NCOR2: variants seen among roughly 807,000 people sequenced by gnomAD.
The protein encoded by NCOR2 is CTG repeat protein 26.
Under a neutral mutation model 262.9 loss-of-function variants are expected in NCOR2, and 81 were observed. The ratio of observed to expected loss-of-function variants is 0.31; its 90% CI spans 0.26 to 0.37. NCOR2 has a LOEUF of 0.37. NCOR2 is among the 10% of genes least tolerant of loss of function. NCOR2 has a pLI of 1.00. For synonymous variants in NCOR2, 1,659 were observed against 1,559.3 expected (o/e 1.06, Z -1.51); for missense variants, 3,385 against 3,621.4 (o/e 0.93, Z 1.68).
At chr12:124,497,881 C>T (rs941053955), upstream of NCOR2, among the ~76,000 whole-genome samples, 10 of 152,220 alleles carry the variant, frequency 6.6e-5, no homozygotes, top group Admixed American at 3.9e-4. The surrounding 1 kb of genome is among the most constrained non-coding windows in gnomAD (Gnocchi z 4.2). Context: ...AGCAATGAGA[C>T]ATCCGTTCTG....
intron 3 of NCOR2, among the ~76,000 whole-genome samples, chr12:124,475,555 T>C (rs1390315720): frequency 2.6e-5 from 4 of 152,254 alleles, no homozygotes; most frequent in African/African-American, 9.6e-5. Flanking sequence ...CCTGCCATTG[T>C]ATTGCAAAAG....
intron 13 of NCOR2, among the ~76,000 whole-genome samples, chr12:124,417,012 TCCGCCC>T (rs2042913039): frequency 6.6e-6 from 1 of 151,472 alleles, no homozygotes; most frequent in South Asian, 2.1e-4. Flanking sequence ...GGACATTCGC[TCCGCCC>T]AGAGCAAGCC....
chr12:124,561,884 T>C (rs2052084897), intron 1 of NCOR2: 1 of 151,864 alleles, frequency 6.6e-6, no homozygotes, highest in Non-Finnish European at 1.5e-5. Flanking sequence ...GTCATGGTGG[T>C]GTACACCTGT....
chr12:124,338,324 G>A (rs531306066), intron 37 of NCOR2, among the ~76,000 whole-genome samples: 9 of 152,098 alleles, frequency 5.9e-5, no homozygotes, highest in African/African-American at 2.2e-4. Flanking sequence ...CCTGGCCAAC[G>A]TGGTGAAACC....
rs1031483228 is a variant in NCOR2, at chr12:124,481,807, G to C, written c.411+1789C>G. ...GGGGAACACACAGGGGGATGCAGTCGTCTGCCTTTATAAGAGCCCTCTGGC... is the reference window on the plus strand; with the variant it reads ...GGGGAACACACAGGGGGATGCAGTCCTCTGCCTTTATAAGAGCCCTCTGGC... On this transcript the variant is annotated intron_variant, in intron 3 of 46. Coordinates refer to ENST00000405201, the Ensembl canonical transcript of NCOR2. The surrounding 1 kb of genome is among the most constrained non-coding windows in gnomAD (Gnocchi z 4.6). Among the ~76,000 whole-genome samples the C allele has an allele frequency of 7.9e-5, 12 of 152,254 alleles. No homozygotes were observed. Among genetic ancestry groups the C allele is most frequent in the African/African-American group, 2.4e-4 (10 of 41,534 alleles).
At chr12:124,325,380 C>CCCCCT in exon 47 of NCOR2, 1 of 327,318 alleles carries the variant, frequency 3.1e-6, no homozygotes. Flanking sequence ...TGACACCGCC[C>CCCCCT]CCCCCCCCGC....
At chr12:124,397,742 C>T (rs1237815984) in intron 16 of NCOR2, among the ~76,000 whole-genome samples, 1 of 152,144 alleles carries the variant, frequency 6.6e-6, no homozygotes, top group Admixed American at 6.5e-5. Flanking sequence ...AGATGGCCGC[C>T]GGCAAGCTCT....
rs2035985708 is a variant in NCOR2 at position 124,337,413 on chromosome 12, G to GGTGCCAGGCA, written c.5688-243_5688-234dup. On this transcript the variant is annotated intron_variant, in intron 37 of 46. Coordinates refer to ENST00000405201, the Ensembl canonical transcript of NCOR2. Reference sequence around the variant, plus strand: ...AAAACTTCTGATTAAGCAGCTACTAGGTGCCAGGCACTGTTCTAGACACTG... The same window carrying GGTGCCAGGCA: ...AAAACTTCTGATTAAGCAGCTACTAGGTGCCAGGCAGTGCCAGGCACTGTTCTAGACACTG... The GGTGCCAGGCA allele has an allele frequency of 1.1e-5, 8 of 698,092 alleles. 1 individual carries two copies. The highest frequency in any genetic ancestry group is 1.8e-5 in the Non-Finnish European group (7 of 384,152). The allele number at this position is 698,092 out of a possible 1,614,324, so 43.2% of individuals were successfully genotyped here.
chr12:124,482,125 G>C lies in NCOR2; in HGVS notation c.411+1471C>G, dbSNP rs1425226167. Among the ~76,000 whole-genome samples the C allele has an allele frequency of 6.6e-6, 1 of 152,094 alleles. No homozygotes were observed. Among genetic ancestry groups the C allele is most frequent in the Non-Finnish European group, 1.5e-5 (1 of 68,006 alleles). ...CCTGAGTGGGCTCTCAGGCGCATGT[G>C]GTCTGTTGGCTAGGAGTTCATTAAC... On this transcript the variant is annotated intron_variant, in intron 3 of 46. Coordinates refer to ENST00000405201, the Ensembl canonical transcript of NCOR2. The surrounding 1 kb of genome is among the most constrained non-coding windows in gnomAD (Gnocchi z 6.3).
At chr12:124,402,263 C>A in intron 14 of NCOR2, 141 bp downstream of exon 16, 1 of 1,488,434 alleles carries the variant, frequency 6.7e-7, no homozygotes, top group African/African-American at 1.4e-5. Flanking sequence ...CTGTCAGGGG[C>A]AAACGAGCAG....
At chr12:124,493,887 G>T (rs1196451903) in intron 1 of NCOR2, among the ~76,000 whole-genome samples, 2 of 152,124 alleles carry the variant, frequency 1.3e-5, no homozygotes, top group Non-Finnish European at 2.9e-5. Context: ...CGCACCTGAG[G>T]CCTGTGATTT....
At position 124,340,200 on chromosome 12, in the gene NCOR2, T is replaced by TGCTCC. The variant is rs2135816090; in HGVS notation, c.5492_5493insGGAGC (p.Ser1835ArgfsTer48). 1 of 936,970 alleles carries TGCTCC rather than the reference T, an allele frequency of 1.1e-6. No homozygotes were observed. The highest frequency in any genetic ancestry group is 1.4e-6 in the Non-Finnish European group (1 of 717,914). 58.0% of individuals were successfully genotyped at this position (936,970 alleles called of 1,614,324 possible). Reference sequence around the variant, plus strand: ...CGCCGCTGCTGCCGCTGCTCTGCTCTGTACCTGGTGACAGTCAGTGGCATC... The same window carrying TGCTCC: ...CGCCGCTGCTGCCGCTGCTCTGCTCTGCTCCGTACCTGGTGACAGTCAGTGGCATC... On this transcript the variant is annotated frameshift_variant, in exon 37 of 47. Coordinates refer to ENST00000405201, the Ensembl canonical transcript of NCOR2. LOFTEE classifies it high-confidence loss of function.
At chr12:124,559,384 A>G (rs2051996017) in intron 1 of NCOR2, among the ~76,000 whole-genome samples, 1 of 152,092 alleles carries the variant, frequency 6.6e-6, no homozygotes, top group Non-Finnish European at 1.5e-5. Context: ...GCAGTTCTCG[A>G]GGGCCCCATC....
intron 1 of NCOR2, among the ~76,000 whole-genome samples, chr12:124,520,093 C>T (rs7955154): frequency 0.11 from 16,552 of 152,214 alleles, 1,034 homozygotes; most frequent in Middle Eastern, 0.16. Context: ...ATAGTGGCTG[C>T]GGAGGCCCCT....
At chr12:124,466,026 A>G in intron 5 of NCOR2, 147 bp downstream of exon 7, 1 of 766,588 alleles carries the variant, frequency 1.3e-6, no homozygotes, top group Non-Finnish European at 2.0e-6. Flanking sequence ...TCCCCCACCC[A>G]CTCATAAACC....
At position 124,434,053 on chromosome 12, in the gene NCOR2, C is replaced by T. The variant is rs139778037; in HGVS notation, c.883-3266G>A. 1.6e-3 allele frequency among the ~76,000 whole-genome samples: 242 copies of T among 152,252 alleles called. 3 individuals carry two copies. Among genetic ancestry groups the T allele is most frequent in the African/African-American group, 5.4e-3 (224 of 41,540 alleles). On this transcript the variant is annotated intron_variant, in intron 8 of 46. Transcript: ENST00000405201. ...CCACAGGCTGAGCCAGTCTCTCAGC[C>T]AACTGGGCCTCCAGAGGGTCCAGCT...
intron 13 of NCOR2, among the ~76,000 whole-genome samples, chr12:124,410,916 G>A (rs1343036943): frequency 6.6e-6 from 1 of 151,988 alleles, no homozygotes; most frequent in Non-Finnish European, 1.5e-5. Flanking sequence ...AGACGGAGGA[G>A]GCAGGGGACA....
intron 13 of NCOR2, among the ~76,000 whole-genome samples, chr12:124,409,289 C>T (rs2042438523): frequency 2.0e-5 from 3 of 152,208 alleles, no homozygotes; most frequent in African/African-American, 4.8e-5. Flanking sequence ...CAGGGCAGCT[C>T]TCCCCATGCC....
intron 24 of NCOR2, 123 bp from the exon 27 acceptor site, chr12:124,355,062 G>A: frequency 1.2e-6 from 1 of 803,294 alleles, no homozygotes; most frequent in South Asian, 1.7e-5. Flanking sequence ...CTGTCCAGCT[G>A]TGTGACGGCA....
Sources: gnomAD v4.1 joint callset for allele counts (sites outside exome capture counted in the v4.1 genomes callset) on GRCh38, gnomAD v4.1.1 for gene constraint, Gnocchi (gnomAD v3.1) non-coding constraint, MANE v1.5 for transcripts, NCBI Gene and HGNC (gene_info 2026-07-23, HGNC 2026-07-21) for gene names.